JHY: variants seen among roughly 807,000 people sequenced by gnomAD.
The protein encoded by JHY is jhy protein homolog.
Under a neutral mutation model 78.0 loss-of-function variants are expected in JHY, and 69 were observed. The ratio of observed to expected loss-of-function variants is 0.88; its 90% CI spans 0.73 to 1.08. JHY has a LOEUF of 1.08. Ranked by LOEUF, JHY falls within the 50% of genes least tolerant of loss-of-function variation. The pLI is 0.00. For missense variants in JHY, 944 were observed against 927.8 expected (o/e 1.02, Z -0.23); for synonymous variants, 368 against 342.6 (o/e 1.07, Z -0.82).
intron 2 of JHY, among the ~76,000 whole-genome samples, chr11:122,901,071 G>A (rs1862846729): frequency 6.6e-6 from 1 of 152,134 alleles, no homozygotes; most frequent in Non-Finnish European, 1.5e-5. Flanking sequence ...ACATCATAGA[G>A]TGCACTTACA....
chr11:122,885,954 AC>A lies in JHY; in HGVS notation c.106del (p.His36IlefsTer39), dbSNP rs1862485316. The part of the protein sequence containing the change: ...THPPLKKEDL[H>X]RISKDSLESD... Reference sequence around the variant, plus strand: ...ACCCACCTTTGAAGAAAGAAGACTTACATCGGATTTCAAAAGACTCCTTGGA... The same window carrying A: ...ACCCACCTTTGAAGAAAGAAGACTTAATCGGATTTCAAAAGACTCCTTGGA... On this transcript the variant is annotated frameshift_variant, in exon 2 of 9. Transcript: ENST00000227349. LOFTEE classifies it high-confidence loss of function. 1 of 1,614,192 alleles carries A rather than the reference AC, an allele frequency of 6.2e-7. No individual in the cohort carries two copies. Among genetic ancestry groups the A allele is most frequent in the Non-Finnish European group, 8.5e-7 (1 of 1,179,998 alleles).
intron 2 of JHY, among the ~76,000 whole-genome samples, chr11:122,887,414 C>T (rs994971444): frequency 6.6e-6 from 1 of 152,150 alleles, no homozygotes; most frequent in Non-Finnish European, 1.5e-5. Context: ...CCTCCACCTC[C>T]CGGGTTCAAG....
At chr11:122,957,617 A>T in intron 8 of JHY, 126 bp downstream of exon 8, 1 of 1,035,670 alleles carries the variant, frequency 9.7e-7, no homozygotes, top group Non-Finnish European at 1.3e-6. Flanking sequence ...ATGGTCATAA[A>T]CTCCTGGGCT....
chr11:122,948,860 C>G (rs1014817565), intron 6 of JHY, among the ~76,000 whole-genome samples: 7 of 151,946 alleles, frequency 4.6e-5, no homozygotes, highest in Non-Finnish European at 1.5e-5. Context: ...CTGAGGTGGG[C>G]AGGTCACAAG....
At position 122,885,938 on chromosome 11, in the gene JHY, T is replaced by A; in HGVS notation, c.89T>A (p.Leu30Ter). 3 of 1,614,148 alleles carry A rather than the reference T, an allele frequency of 1.9e-6. No individual in the cohort carries two copies. The highest frequency in any genetic ancestry group is 2.5e-6 in the Non-Finnish European group (3 of 1,180,012). Reference sequence around the variant, plus strand: ...AATGTCCAGTCCACACACCCACCTTTGAAGAAAGAAGACTTACATCGGATT... The same window carrying A: ...AATGTCCAGTCCACACACCCACCTTAGAAGAAAGAAGACTTACATCGGATT... ...NLNVQSTHPP[L>*]KKEDLHRISK... The change falls in exon 2 of 9, where the codon TTG becomes TAG. Residue 30 changes from leucine to a stop codon, truncating the protein, a stop_gained. Coordinates refer to ENST00000227349, the MANE Select transcript of JHY (RefSeq NM_024806.4). LOFTEE classifies it high-confidence loss of function.
At chr11:122,902,862 G>A (rs1376897516) in intron 2 of JHY, among the ~76,000 whole-genome samples, 1 of 152,178 alleles carries the variant, frequency 6.6e-6, no homozygotes, top group East Asian at 1.9e-4. Flanking sequence ...CAACATTGGG[G>A]ATTACAGTTC....
intron 5 of JHY, among the ~76,000 whole-genome samples, chr11:122,937,926 G>GT (rs1316569185): frequency 6.6e-6 from 1 of 152,114 alleles, no homozygotes; most frequent in Non-Finnish European, 1.5e-5. Flanking sequence ...GAAAATCATT[G>GT]TCCCTCAGAA....
intron 6 of JHY, among the ~76,000 whole-genome samples, chr11:122,950,101 C>T (rs1490045069): frequency 2.4e-4 from 37 of 151,990 alleles, no homozygotes; most frequent in African/African-American, 8.5e-4. Flanking sequence ...CCCAAATTGC[C>T]GGAATTACAG....
At chr11:122,905,367 A>G (rs994533646) in intron 3 of JHY, 15 of 1,519,984 alleles carry the variant, frequency 9.9e-6, no homozygotes, top group Non-Finnish European at 1.3e-5. Context: ...GAGATTTATC[A>G]CCTGCTAATG....
At position 122,946,768 on chromosome 11, in the gene JHY, G is replaced by A. The variant is rs144464448; in HGVS notation, c.1905G>A (p.Lys635=). The A allele has an allele frequency of 9.5e-5, 153 of 1,612,308 alleles. No individual in the cohort carries two copies. The African/African-American group carries it at 1.6e-3, about 17-fold the overall frequency. Residue 635 remains lysine (K), a synonymous_variant, in exon 6 of 9, where the codon AAG becomes AAA. Transcript: ENST00000227349. ...GYLFQLEKGK[K]HKKRSSSKNT... is the part of the protein sequence containing the mutation. ...TGTTTCAACTGGAAAAGGGAAAAAA[G>A]CATAAGAAAAGAAGCAGCAGTAAGG... is the stretch of plus-strand genomic sequence containing the variant.
chr11:122,959,074 A>G (rs1864250978), intron 8 of JHY, 174 bp from the exon 9 acceptor site: 1 of 955,804 alleles, frequency 1.0e-6, no homozygotes, highest in Non-Finnish European at 1.2e-6. Context: ...TGGCTAATGT[A>G]TTTTGTTTAA....
At chr11:122,890,090 TTA>T (rs1432892422) in intron 2 of JHY, among the ~76,000 whole-genome samples, 4 of 150,390 alleles carry the variant, frequency 2.7e-5, no homozygotes, top group Admixed American at 6.7e-5. Context: ...TTAACTGAAA[TTA>T]TATATATATA....
chr11:122,921,915 C>T (rs1863374191), intron 3 of JHY, among the ~76,000 whole-genome samples: 1 of 151,834 alleles, frequency 6.6e-6, no homozygotes. Flanking sequence ...GCCCAGGAGG[C>T]GGAGGTTGTA....
At chr11:122,903,530 G>T (rs1239369714) in intron 2 of JHY, among the ~76,000 whole-genome samples, 1 of 152,168 alleles carries the variant, frequency 6.6e-6, no homozygotes, top group East Asian at 1.9e-4. Context: ...CCAGGCTGGA[G>T]TGCAGTGTCG....
chr11:122,902,664 A>G (rs951455994), intron 2 of JHY, among the ~76,000 whole-genome samples: 4 of 152,130 alleles, frequency 2.6e-5, no homozygotes, highest in Non-Finnish European at 4.4e-5. Flanking sequence ...GCAAAGGCAA[A>G]GGGGGAGCAG....
chr11:122,951,255 A>G (rs551371374), intron 6 of JHY, among the ~76,000 whole-genome samples: 1 of 152,336 alleles, frequency 6.6e-6, no homozygotes, highest in South Asian at 2.1e-4. Flanking sequence ...TGTCCATGCC[A>G]TGAAATCTAG....
intron 7 of JHY, 136 bp from the exon 8 acceptor site, chr11:122,957,227 T>C: frequency 1.1e-6 from 1 of 932,442 alleles, no homozygotes; most frequent in African/African-American, 1.7e-5. Context: ...GCTGCCACCT[T>C]ACTCAAGGTG....
At chr11:122,886,602 A>C (rs1015430280) in intron 2 of JHY, among the ~76,000 whole-genome samples, 1 of 152,074 alleles carries the variant, frequency 6.6e-6, no homozygotes, top group Non-Finnish European at 1.5e-5. Flanking sequence ...TTTTTTTAAA[A>C]ATTTTATGTA....
intron 3 of JHY, among the ~76,000 whole-genome samples, chr11:122,911,096 C>A (rs925327514): frequency 6.6e-6 from 1 of 152,108 alleles, no homozygotes; most frequent in African/African-American, 2.4e-5. Context: ...ACTTTGAGTC[C>A]ATTTGTAATC....
Sources: gnomAD v4.1 joint callset for allele counts (sites outside exome capture counted in the v4.1 genomes callset) on GRCh38, gnomAD v4.1.1 for gene constraint, MANE v1.5 for transcripts, NCBI Gene and HGNC (gene_info 2026-07-23, HGNC 2026-07-21) for gene names.